The following MARK1 variants were observed in gnomAD, a reference collection of about 807,000 sequenced individuals.
The protein encoded by MARK1 is serine/threonine-protein kinase MARK1.
MARK1 carries 40 observed loss-of-function variants against 96.3 expected under a neutral mutation model. That is an observed-to-expected ratio of 0.42 (90% confidence interval 0.32 to 0.54). The LOEUF is 0.54. MARK1 is among the 20% of genes least tolerant of loss of function. The probability of loss-of-function intolerance (pLI) is 0.16; values close to 1 mark genes in which losing one functional copy is unlikely to be tolerated. For synonymous variants in MARK1, 317 were observed against 341.2 expected (o/e 0.93, Z 0.78); for missense variants, 719 against 984.6 (o/e 0.73, Z 3.61).
At chr1:220,533,457 C>A (rs570975182) in intron 1 of MARK1, among the ~76,000 whole-genome samples, 2 of 152,154 alleles carry the variant, frequency 1.3e-5, no homozygotes, top group East Asian at 3.9e-4. Flanking sequence ...CCTCTTCCAT[C>A]TCATTGTTTC....
At chr1:220,565,620 A>C (rs1233391940) in intron 1 of MARK1, among the ~76,000 whole-genome samples, 1 of 152,092 alleles carries the variant, frequency 6.6e-6, no homozygotes, top group African/African-American at 2.4e-5. Flanking sequence ...TGGGGAGGAA[A>C]CAAAGGCTTC....
At chr1:220,536,895 T>A (rs1157632596) in intron 1 of MARK1, among the ~76,000 whole-genome samples, 1 of 152,202 alleles carries the variant, frequency 6.6e-6, no homozygotes. Context: ...TCCTCTCTTG[T>A]TAGATATTGA....
intron 12 of MARK1, 99 bp downstream of exon 12, chr1:220,635,628 T>C: frequency 2.9e-6 from 4 of 1,356,642 alleles, no homozygotes; most frequent in Middle Eastern, 1.9e-4. Flanking sequence ...GCTTGTGTTA[T>C]CTAGTTCTCA....
chr1:220,544,275 G>A (rs12726572), intron 1 of MARK1, among the ~76,000 whole-genome samples: 9,916 of 152,270 alleles, frequency 0.065, 441 homozygotes, highest in Non-Finnish European at 0.097. Flanking sequence ...AAGTTTGTGT[G>A]TTGGAAACTT....
intron 1 of MARK1, among the ~76,000 whole-genome samples, chr1:220,558,133 AAAT>A (rs56212262): frequency 0.4 from 55,131 of 136,824 alleles, 11,546 homozygotes; most frequent in Admixed American, 0.49. Context: ...ACCCTGTCTC[AAAT>A]AATAATAATA....
Position 220,579,343 on chromosome 1 carries a change from C to T in MARK1, c.52-11C>T. ...TTAATTAACAATGAAATCTTGTAAA[C>T]TTTTTCTTAGCATACATCTGTGGAT... On this transcript the variant is annotated splice_polypyrimidine_tract_variant and intron_variant, in intron 1 of 17. Transcript: ENST00000366917. 1 of 1,602,840 alleles carries T rather than the reference C, an allele frequency of 6.2e-7. No individual in the cohort carries two copies. Among genetic ancestry groups the T allele is most frequent in the Non-Finnish European group, 8.5e-7 (1 of 1,170,748 alleles).
intron 3 of MARK1, among the ~76,000 whole-genome samples, chr1:220,587,624 C>T (rs1664731810): frequency 6.6e-6 from 1 of 152,132 alleles, no homozygotes; most frequent in African/African-American, 2.4e-5. Context: ...CCTGCCTCAG[C>T]CTCCCAAAGT....
intron 1 of MARK1, among the ~76,000 whole-genome samples, chr1:220,553,308 C>T (rs1223095972): frequency 1.3e-5 from 2 of 152,214 alleles, no homozygotes; most frequent in Non-Finnish European, 2.9e-5. Context: ...TCCGCCTGTA[C>T]TCTTCCTTTG....
chr1:220,536,679 C>T (rs1171005809), intron 1 of MARK1, among the ~76,000 whole-genome samples: 1 of 152,052 alleles, frequency 6.6e-6, no homozygotes, highest in East Asian at 1.9e-4. Flanking sequence ...CCTCAGCCTC[C>T]CAAGTAGCTG....
intron 13 of MARK1, among the ~76,000 whole-genome samples, chr1:220,648,490 A>T (rs1362844530): frequency 6.6e-6 from 1 of 152,232 alleles, no homozygotes; most frequent in Non-Finnish European, 1.5e-5. Context: ...GGGGAAATAC[A>T]ACTGATGGTT....
rs557273727 is a variant in MARK1 at position 220,626,580 on chromosome 1, G to A, written c.910-4455G>A. ...GGCTCATGCCTGTTCTCAGCATTTT[G>A]GGAGGCCCAGGCAGGAGAATCACTT... On this transcript the variant is annotated intron_variant, in intron 9 of 17. Coordinates refer to ENST00000366917, the MANE Select transcript of MARK1 (RefSeq NM_018650.5). 16 of 402,108 alleles carry A rather than the reference G, an allele frequency of 4.0e-5. 1 individual carries two copies. Among genetic ancestry groups the A allele is most frequent in the Admixed American group, 3.8e-4 (13 of 34,312 alleles). 24.9% of individuals were successfully genotyped at this position (402,108 alleles called of 1,614,324 possible).
intron 6 of MARK1, 91 bp from the exon 7 acceptor site, chr1:220,615,848 G>T: frequency 2.9e-6 from 2 of 680,972 alleles, no homozygotes; most frequent in Non-Finnish European, 2.6e-6. Flanking sequence ...CTTGAAATCC[G>T]AATTAGTAAT....
chr1:220,579,289 T>C (rs1247671867), intron 1 of MARK1, 65 bp from the exon 2 acceptor site: 3 of 1,070,650 alleles, frequency 2.8e-6, no homozygotes, highest in Non-Finnish European at 1.4e-6. Flanking sequence ...TTATTTGTAC[T>C]CTTTTTACTT....
chr1:220,640,471 A>G (rs1668205596), intron 13 of MARK1, among the ~76,000 whole-genome samples: 1 of 152,186 alleles, frequency 6.6e-6, no homozygotes, highest in African/African-American at 2.4e-5. Flanking sequence ...TTAAATAGTT[A>G]AATAGAATAA....
Position 220,654,483 on chromosome 1 carries a change from A to G in MARK1, c.1988+1131A>G, listed in dbSNP as rs1463387330. ...ATCACATAGCTGAATTAAAAACTTTAAAGCCTCAAATGTAACATAAATTTC... is the reference window on the plus strand; with the variant it reads ...ATCACATAGCTGAATTAAAAACTTTGAAGCCTCAAATGTAACATAAATTTC... On this transcript the variant is annotated intron_variant, in intron 16 of 17. Coordinates refer to ENST00000366917, the MANE Select transcript of MARK1 (RefSeq NM_018650.5). This position sits in a 1 kb window ranked among gnomAD's most constrained non-coding sequence, Gnocchi z 4.0. Among the ~76,000 whole-genome samples, 1 of 152,218 alleles carries G rather than the reference A, an allele frequency of 6.6e-6. No individual in the cohort carries two copies. The highest frequency in any genetic ancestry group is 1.5e-5 in the Non-Finnish European group (1 of 68,036).
At chr1:220,561,616 C>T (rs1662674729) in intron 1 of MARK1, among the ~76,000 whole-genome samples, 1 of 152,124 alleles carries the variant, frequency 6.6e-6, no homozygotes, top group Non-Finnish European at 1.5e-5. Context: ...TTAAGCACTT[C>T]CTGGGAAGAT....
At chr1:220,623,974 A>T (rs1667179905) in intron 9 of MARK1, among the ~76,000 whole-genome samples, 1 of 152,160 alleles carries the variant, frequency 6.6e-6, no homozygotes, top group Non-Finnish European at 1.5e-5. Flanking sequence ...ATTAAAACTC[A>T]CTGCTAATAA....
At chr1:220,558,882 T>C (rs867940601) in intron 1 of MARK1, among the ~76,000 whole-genome samples, 1 of 152,288 alleles carries the variant, frequency 6.6e-6, no homozygotes, top group Middle Eastern at 3.4e-3. Context: ...GAAACATTTA[T>C]AGAACATTTC....
chr1:220,554,372 A>G (rs536703698), intron 1 of MARK1, among the ~76,000 whole-genome samples: 6 of 152,316 alleles, frequency 3.9e-5, no homozygotes, highest in African/African-American at 1.4e-4. Context: ...CACATGTGCC[A>G]ATGTTTGGAG....
Sources: gnomAD v4.1 joint callset for allele counts (sites outside exome capture counted in the v4.1 genomes callset) on GRCh38, gnomAD v4.1.1 for gene constraint, Gnocchi (gnomAD v3.1) non-coding constraint, MANE v1.5 for transcripts, NCBI Gene and HGNC (gene_info 2026-07-23, HGNC 2026-07-21) for gene names.